NXNL2: variants seen among roughly 807,000 people sequenced by gnomAD.
NXNL2 encodes the protein nucleoredoxin like 2, also known as nucleoredoxin-like protein 2.
A neutral mutation model predicts 11.1 loss-of-function variants in NXNL2; 7 were observed. That is an observed-to-expected ratio of 0.63 (90% CI 0.36 to 1.18). The LOEUF is 1.18. NXNL2 is among the 50% of genes most tolerant of loss of function. NXNL2 has a pLI of 0.02. For synonymous variants in NXNL2, 109 were observed against 101.8 expected, an observed-to-expected ratio of 1.07 and a Z score of -0.42; for missense variants, 233 against 217.7, an observed-to-expected ratio of 1.07 and a Z score of -0.44.
intron 1 of NXNL2, among the ~76,000 whole-genome samples, chr9:88,559,419 G>T (rs1278600113): frequency 6.6e-6 from 1 of 152,168 alleles, no homozygotes; most frequent in Admixed American, 6.5e-5. Context: ...TCAGAGCTTT[G>T]CCCCCTACAA....
At chr9:88,576,864 T>TC (rs539037964), downstream of NXNL2, among the ~76,000 whole-genome samples, 15 of 152,208 alleles carry the variant, frequency 9.9e-5, no homozygotes, top group East Asian at 2.9e-3. Context: ...CCTGAGTGTC[T>TC]CCATGAAGTG....
At chr9:88,557,950 A>C (rs1182702169) in intron 1 of NXNL2, among the ~76,000 whole-genome samples, 1 of 152,200 alleles carries the variant, frequency 6.6e-6, no homozygotes, top group African/African-American at 2.4e-5. Flanking sequence ...GAACGTGTTC[A>C]GTGGGAATAG....
Position 88,535,598 on chromosome 9 carries a change from T to C in NXNL2, c.164T>C (p.Leu55Pro). Reference sequence around the variant, plus strand: ...CTGCTCTGCGACTTCTATACGGCGCTGGTGGCCGAGGCGCGGCGGCCCGCG... The same window carrying C: ...CTGCTCTGCGACTTCTATACGGCGCCGGTGGCCGAGGCGCGGCGGCCCGCG... ...TPLLCDFYTA[L>P]VAEARRPAPF... The change falls in exon 1 of 2, where the codon CTG becomes CCG. Residue 55 changes from leucine to proline, a missense_variant. By Grantham distance (98) the Leu-to-Pro change is moderately conservative. Transcript: ENST00000375854. 1 of 1,609,442 alleles carries C rather than the reference T, an allele frequency of 6.2e-7. No homozygotes were observed. Among genetic ancestry groups the C allele is most frequent in the Non-Finnish European group, 8.5e-7 (1 of 1,179,312 alleles).
At chr9:88,553,359 A>G (rs1587847449) in intron 1 of NXNL2, among the ~76,000 whole-genome samples, 1 of 149,706 alleles carries the variant, frequency 6.7e-6, no homozygotes, top group East Asian at 1.9e-4. Flanking sequence ...AAAAGCCCAA[A>G]CAACAACAAC....
chr9:88,538,956 G>A (rs1829690122), intron 1 of NXNL2, among the ~76,000 whole-genome samples: 1 of 152,146 alleles, frequency 6.6e-6, no homozygotes, highest in South Asian at 2.1e-4. Flanking sequence ...GAAAATGAAG[G>A]AGACATGGTT....
chr9:88,573,438 C>T (rs879911240), intron 2 of NXNL2, among the ~76,000 whole-genome samples: 1 of 152,196 alleles, frequency 6.6e-6, no homozygotes, highest in Admixed American at 6.5e-5. Flanking sequence ...GCCACTGTGC[C>T]TGGCCATACA....
downstream of NXNL2, among the ~76,000 whole-genome samples, chr9:88,578,151 G>C (rs1035350136): frequency 6.6e-6 from 1 of 152,228 alleles, no homozygotes; most frequent in African/African-American, 2.4e-5. Flanking sequence ...AAGTGCAGGC[G>C]CTGTTAATCT....
downstream of NXNL2, among the ~76,000 whole-genome samples, chr9:88,579,203 C>T (rs2118555719): frequency 6.6e-6 from 1 of 152,312 alleles, no homozygotes; most frequent in Non-Finnish European, 1.5e-5. Context: ...GACACTGCAG[C>T]ATGTGGTTTG....
chr9:88,544,778 C>G lies in NXNL2; in HGVS notation c.*231C>G, dbSNP rs1829825666. On this transcript the variant is annotated 3_prime_UTR_variant, in exon 2 of 2. Transcript: ENST00000375854. ...GTTATTTTTGTTATTCTTTGCATACCTTTATCCACCTGTGCTTAAGGAAGG... is the reference window on the plus strand; with the variant it reads ...GTTATTTTTGTTATTCTTTGCATACGTTTATCCACCTGTGCTTAAGGAAGG... 2 of 1,262,648 alleles carry G rather than the reference C, an allele frequency of 1.6e-6. No homozygotes were observed. The highest frequency in any genetic ancestry group is 1.5e-5 in the African/African-American group (1 of 64,552). 78.2% of individuals were successfully genotyped at this position (1,262,648 alleles called of 1,614,324 possible). A position where few individuals can be genotyped will look rare whatever the true frequency, so the allele number is the denominator to read the frequency against.
rs1361035217 is a variant in NXNL2, at chr9:88,561,162, A to T, written c.303-9925A>T. ...CAGTCACCTTAGTCAGGTGGACACC[A>T]TCTAATCAGCTGCCAGTGAATATAA... On this transcript the variant is annotated intron_variant, in intron 1 of 2. Coordinates refer to the NXNL2 transcript ENST00000375855. 2.0e-5 allele frequency among the ~76,000 whole-genome samples: 3 copies of T among 152,166 alleles called. No homozygotes were observed. In the East Asian group the frequency reaches 5.8e-4, roughly 29 times the overall value.
chr9:88,551,991 G>A (rs1829938239), intron 1 of NXNL2, among the ~76,000 whole-genome samples: 1 of 152,206 alleles, frequency 6.6e-6, no homozygotes, highest in Admixed American at 6.5e-5. Context: ...CTCAGCATGT[G>A]GAGGTGGGAG....
At chr9:88,558,038 GA>G (rs1300070519) in intron 1 of NXNL2, among the ~76,000 whole-genome samples, 1 of 152,142 alleles carries the variant, frequency 6.6e-6, no homozygotes, top group East Asian at 1.9e-4. Flanking sequence ...AAAACACTTG[GA>G]ATCTCCAGAG....
chr9:88,555,690 C>T (rs1201887009), intron 1 of NXNL2, among the ~76,000 whole-genome samples: 1 of 152,208 alleles, frequency 6.6e-6, no homozygotes, highest in African/African-American at 2.4e-5. Flanking sequence ...GCTTTGCCAG[C>T]TGGAAACCTC....
At position 88,544,482 on chromosome 9, in the gene NXNL2, C is replaced by T. The variant is rs1223294217; in HGVS notation, c.406C>T (p.Arg136Trp). 1.2e-5 allele frequency: 18 copies of T among 1,551,356 alleles called. No homozygotes were observed. Among genetic ancestry groups the T allele is most frequent in the East Asian group, 9.8e-5 (4 of 40,916 alleles). ...TNKGRKQIRE[R>W]GLACFQDWVE... ...CAAAGGGCGGAAGCAGATCCGGGAA[C>T]GGGGGTTGGCCTGCTTCCAGGACTG... The change falls in exon 2 of 2, where the codon CGG becomes TGG. Residue 136 changes from arginine to tryptophan, a missense_variant. Physicochemically the swap from Arg to Trp is moderately radical, Grantham distance 101. Transcript: ENST00000375854.
Position 88,535,303 on chromosome 9 carries a change from G to T in NXNL2, c.-132G>T. 1.2e-6 allele frequency: 1 copy of T among 842,124 alleles called. No homozygotes were observed. Among genetic ancestry groups the T allele is most frequent in the Non-Finnish European group, 1.8e-6 (1 of 563,324 alleles). 52.2% of individuals were successfully genotyped at this position (842,124 alleles called of 1,614,324 possible). On this transcript the variant is annotated 5_prime_UTR_variant, in exon 1 of 2. Coordinates refer to ENST00000375854, the MANE Select transcript of NXNL2 (RefSeq NM_001161625.2). ...TGGCCAAGGTGTGGGCGCATCTGGG[G>T]CAGGTCTTGAGAGGTCCAGCGCCCG...
chr9:88,561,624 G>T (rs1830086875), intron 1 of NXNL2, among the ~76,000 whole-genome samples: 1 of 152,102 alleles, frequency 6.6e-6, no homozygotes, highest in Admixed American at 6.6e-5. Context: ...GAGGGGGAAA[G>T]GTAGGGGTGT....
chr9:88,543,185 A>T (rs79068384), intron 1 of NXNL2, among the ~76,000 whole-genome samples: 3 of 152,200 alleles, frequency 2.0e-5, no homozygotes, highest in Middle Eastern at 3.2e-3. Context: ...TCTCATCATG[A>T]TAATGGCAAT....
intron 1 of NXNL2, among the ~76,000 whole-genome samples, chr9:88,551,668 C>G (rs892833553): frequency 7.9e-5 from 12 of 152,192 alleles, no homozygotes; most frequent in Admixed American, 3.3e-4. Flanking sequence ...TGTTGCTTCT[C>G]TCTCCTGTTT....
chr9:88,553,506 G>A (rs1469397063), intron 1 of NXNL2, among the ~76,000 whole-genome samples: 8 of 152,202 alleles, frequency 5.3e-5, no homozygotes, highest in East Asian at 3.9e-4. Flanking sequence ...GCTACATAGC[G>A]TGTTGCAGCA....
Sources: allele counts gnomAD v4.1 joint callset (sites outside exome capture counted in the v4.1 genomes callset), GRCh38; gene constraint gnomAD v4.1.1; transcripts MANE v1.5; gene names NCBI Gene and HGNC (gene_info 2026-07-23, HGNC 2026-07-21).